SGCZ: variants seen among roughly 807,000 people sequenced by gnomAD.
The protein encoded by SGCZ is zeta-sarcoglycan.
In SGCZ, 40 loss-of-function variants were observed where a neutral mutation model predicts 41.3. The ratio of observed to expected loss-of-function variants is 0.97; its 90% CI spans 0.75 to 1.26. SGCZ has a LOEUF of 1.26. Ranked by LOEUF, SGCZ falls within the 50% of genes most tolerant of loss-of-function variation. The pLI, the probability that SGCZ is intolerant of heterozygous loss-of-function variation, is 0.00. For missense variants in SGCZ, 552 were observed against 369.8 expected, an observed-to-expected ratio of 1.49 and a Z score of -4.04; for synonymous variants, 206 against 137.5, an observed-to-expected ratio of 1.50 and a Z score of -3.49.
intron 2 of SGCZ, among the ~76,000 whole-genome samples, chr8:14,357,252 C>T (rs1803333659): frequency 6.6e-6 from 1 of 152,092 alleles, no homozygotes. Flanking sequence ...GCTGGAATAC[C>T]ATCAAGAAGT....
chr8:14,979,288 C>T (rs1156705718), intron 1 of SGCZ, among the ~76,000 whole-genome samples: 1 of 152,168 alleles, frequency 6.6e-6, no homozygotes, highest in Non-Finnish European at 1.5e-5. Flanking sequence ...CTGTAATACT[C>T]ACAAATTTCA....
chr8:14,521,926 G>T (rs1253629229), intron 2 of SGCZ, among the ~76,000 whole-genome samples: 1 of 152,062 alleles, frequency 6.6e-6, no homozygotes, highest in African/African-American at 2.4e-5. Context: ...ATTTAAGGAA[G>T]TTTCTCTCTA....
At chr8:14,869,157 A>T (rs1021096711) in intron 1 of SGCZ, among the ~76,000 whole-genome samples, 10 of 152,168 alleles carry the variant, frequency 6.6e-5, no homozygotes, top group African/African-American at 2.4e-4. Flanking sequence ...TCAGGCCAAT[A>T]TCCCTGATGA....
At chr8:15,076,993 G>A (rs910304206) in intron 1 of SGCZ, among the ~76,000 whole-genome samples, 1 of 152,138 alleles carries the variant, frequency 6.6e-6, no homozygotes, top group Admixed American at 6.5e-5. Context: ...CTACATAATT[G>A]CAGCGTGTCT....
At chr8:14,329,831 G>GT (rs1306732535) in intron 2 of SGCZ, among the ~76,000 whole-genome samples, 1 of 150,890 alleles carries the variant, frequency 6.6e-6, no homozygotes, top group Non-Finnish European at 1.5e-5. Flanking sequence ...GTTGGTATTT[G>GT]TTTTTTGTTT....
At chr8:14,766,688 A>T (rs1392134146) in intron 1 of SGCZ, among the ~76,000 whole-genome samples, 1 of 149,914 alleles carries the variant, frequency 6.7e-6, no homozygotes, top group Admixed American at 6.6e-5. Context: ...CAGCCTCCCA[A>T]GTAGCTGGGA....
chr8:14,571,243 C>T (rs1360884153), intron 1 of SGCZ, among the ~76,000 whole-genome samples: 1 of 152,110 alleles, frequency 6.6e-6, no homozygotes, highest in East Asian at 1.9e-4. Flanking sequence ...TGGGGCAAAC[C>T]GCATCCATGA....
intron 1 of SGCZ, among the ~76,000 whole-genome samples, chr8:15,109,231 T>G (rs117695893): frequency 0.011 from 1,723 of 152,264 alleles, 20 homozygotes; most frequent in Middle Eastern, 0.054. Flanking sequence ...TTTCCCAGCT[T>G]ACAGATCCCA....
chr8:14,444,096 T>C (rs1223311105), intron 2 of SGCZ, among the ~76,000 whole-genome samples: 1 of 152,024 alleles, frequency 6.6e-6, no homozygotes, highest in Non-Finnish European at 1.5e-5. Context: ...GAAATGCAAA[T>C]CAAAACCACA....
At chr8:14,250,244 G>A (rs1018979943) in intron 3 of SGCZ, among the ~76,000 whole-genome samples, 2 of 152,128 alleles carry the variant, frequency 1.3e-5, no homozygotes, top group Non-Finnish European at 2.9e-5. Flanking sequence ...CATAGATCAA[G>A]TAGAACATTG....
chr8:14,157,029 C>CA (rs1431516071), intron 5 of SGCZ, among the ~76,000 whole-genome samples: 1 of 152,060 alleles, frequency 6.6e-6, no homozygotes, highest in African/African-American at 2.4e-5. Flanking sequence ...TTACTGTGAT[C>CA]AAGTATTATG....
rs538937150 is a variant in SGCZ, at chr8:14,993,503, C to A, written c.39+244082G>T. The stretch of plus-strand genomic sequence containing the variant: ...ATATCATTTCAGAAGATGATGAGTG[C>A]TATGAAGAAAAACAAAGGAAATGAA... On this transcript the variant is annotated intron_variant, in intron 1 of 7. Transcript: ENST00000382080. 1.4e-4 allele frequency among the ~76,000 whole-genome samples: 21 copies of A among 152,086 alleles called. 1 individual carries two copies. The South Asian group carries it at 3.9e-3, about 29-fold the overall frequency.
intron 1 of SGCZ, among the ~76,000 whole-genome samples, chr8:14,778,849 A>G (rs1449846170): frequency 6.6e-6 from 1 of 152,254 alleles, no homozygotes; most frequent in Non-Finnish European, 1.5e-5. Flanking sequence ...GATATGAATT[A>G]ACAGCACTTT....
At chr8:15,098,564 G>A (rs1403974677) in intron 1 of SGCZ, among the ~76,000 whole-genome samples, 1 of 152,146 alleles carries the variant, frequency 6.6e-6, no homozygotes, top group Non-Finnish European at 1.5e-5. Flanking sequence ...TGTCAAATTG[G>A]AGGTTTTCTG....
chr8:14,679,278 T>A (rs1374894468), intron 1 of SGCZ, among the ~76,000 whole-genome samples: 3 of 151,888 alleles, frequency 2.0e-5, no homozygotes, highest in Non-Finnish European at 4.4e-5. Flanking sequence ...GCATACATAT[T>A]TTTTTTAAAG....
intron 1 of SGCZ, among the ~76,000 whole-genome samples, chr8:14,969,033 A>G (rs1268216666): frequency 2.0e-5 from 3 of 152,078 alleles, no homozygotes; most frequent in Admixed American, 2.0e-4. Context: ...ACTAATACTA[A>G]TCTATTTTTT....
chr8:15,117,506 A>C (rs896222423), intron 1 of SGCZ, among the ~76,000 whole-genome samples: 1 of 152,200 alleles, frequency 6.6e-6, no homozygotes, highest in African/African-American at 2.4e-5. Context: ...GAGGGAGAAG[A>C]GATTTCAAGC....
At chr8:14,307,771 A>C (rs1801394755) in intron 3 of SGCZ, among the ~76,000 whole-genome samples, 1 of 152,144 alleles carries the variant, frequency 6.6e-6, no homozygotes, top group African/African-American at 2.4e-5. Context: ...TATAGATGAA[A>C]TAATTTTCTC....
At chr8:14,973,514 G>A (rs1026188164) in intron 1 of SGCZ, among the ~76,000 whole-genome samples, 2 of 152,110 alleles carry the variant, frequency 1.3e-5, no homozygotes, top group Non-Finnish European at 2.9e-5. Flanking sequence ...TTAACTGTGT[G>A]CAGTTTTTGC....
Sources: allele counts gnomAD v4.1 joint callset (sites outside exome capture counted in the v4.1 genomes callset), GRCh38; gene constraint gnomAD v4.1.1; transcripts MANE v1.5; gene names NCBI Gene and HGNC (gene_info 2026-07-23, HGNC 2026-07-21).